MORN5: variants seen among roughly 807,000 people sequenced by gnomAD.
MORN5 encodes the protein MORN repeat-containing protein 5.
Under a neutral mutation model 22.1 loss-of-function variants are expected in MORN5, and 21 were observed. The observed-to-expected ratio is 0.95, with a 90% CI of 0.67 to 1.37. MORN5 has a LOEUF of 1.37. Ranked by LOEUF, MORN5 falls within the 40% of genes most tolerant of loss-of-function variation. The probability of loss-of-function intolerance (pLI) is 0.00; values close to 1 mark genes in which losing one functional copy is unlikely to be tolerated. For synonymous variants in MORN5, 73 were observed against 74.0 expected (o/e 0.99, Z 0.07); for missense variants, 211 against 215.1 (o/e 0.98, Z 0.12).
At position 122,169,667 on chromosome 9, in the gene MORN5, GGCT is replaced by G; in HGVS notation, c.221_223del (p.Leu74del). The G allele has an allele frequency of 6.2e-7, 1 of 1,613,922 alleles. No homozygotes were observed. Among genetic ancestry groups the G allele is most frequent in the Non-Finnish European group, 8.5e-7 (1 of 1,179,878 alleles). Reference sequence around the variant, plus strand: ...CAGGGCACATATACGTTCTCAGATGGGCTGCACTATGATGAGAAAAACTGGCAT... The same window carrying G: ...CAGGGCACATATACGTTCTCAGATGGGCACTATGATGAGAAAAACTGGCAT... On this transcript the variant is annotated inframe_deletion, in exon 3 of 5. Transcript: ENST00000373764.
chr9:122,192,176 A>G (rs1309007702), intron 4 of MORN5, among the ~76,000 whole-genome samples: 1 of 151,748 alleles, frequency 6.6e-6, no homozygotes, highest in African/African-American at 2.4e-5. Context: ...CGGCTCCAGA[A>G]CTCCTTCTAG....
At chr9:122,199,577 A>G (rs1480938199) in intron 4 of MORN5, among the ~76,000 whole-genome samples, 4 of 152,154 alleles carry the variant, frequency 2.6e-5, no homozygotes, top group Non-Finnish European at 4.4e-5. Flanking sequence ...AGACCAGGCA[A>G]GTGCCCGACT....
chr9:122,186,659 A>G (rs1306391853), intron 4 of MORN5, among the ~76,000 whole-genome samples: 1 of 152,046 alleles, frequency 6.6e-6, no homozygotes, highest in East Asian at 1.9e-4. Context: ...GGTGCCCATC[A>G]GATTCTGGTA....
intron 4 of MORN5, among the ~76,000 whole-genome samples, chr9:122,189,992 T>A (rs1035530161): frequency 6.6e-5 from 10 of 152,040 alleles, no homozygotes; most frequent in Admixed American, 5.2e-4. Context: ...CTAAGAGATT[T>A]CCAAGGGTCA....
chr9:122,186,483 G>A (rs1475176884), intron 4 of MORN5, among the ~76,000 whole-genome samples: 1 of 152,142 alleles, frequency 6.6e-6, no homozygotes, highest in Non-Finnish European at 1.5e-5. Flanking sequence ...TACAGAGGGC[G>A]GGATTGGCCA....
intron 3 of MORN5, among the ~76,000 whole-genome samples, chr9:122,171,946 C>CTTTTT (rs71371928): frequency 1.7e-5 from 1 of 58,572 alleles, no homozygotes; most frequent in Non-Finnish European, 3.3e-5. Context: ...TCACTTCCAT[C>CTTTTT]TTTTTTTTTT....
chr9:122,193,819 G>A (rs374936359), intron 4 of MORN5, among the ~76,000 whole-genome samples: 1 of 152,222 alleles, frequency 6.6e-6, no homozygotes, highest in African/African-American at 2.4e-5. Flanking sequence ...GAGCATGCAC[G>A]TGGACTACTG....
At chr9:122,160,400 G>C (rs1661508428) in intron 1 of MORN5, among the ~76,000 whole-genome samples, 2 of 151,950 alleles carry the variant, frequency 1.3e-5, no homozygotes, top group East Asian at 1.9e-4. Context: ...TTAGGGAAGA[G>C]AGACTGGCTA....
rs543065345 is a variant in MORN5, at chr9:122,191,939, C to T, written c.440-7946C>T. ...TGAGCGAGTCCCTTAAGGACGCTCC[C>T]TTACAGGCATCCATTTTGGGAATGA... On this transcript the variant is annotated intron_variant, in intron 4 of 4. Coordinates refer to ENST00000373764, the MANE Select transcript of MORN5 (RefSeq NM_198469.4). Among the ~76,000 whole-genome samples the T allele has an allele frequency of 7.2e-5, 11 of 152,362 alleles. No homozygotes were observed. In the South Asian group the frequency reaches 2.3e-3, roughly 32 times the overall value.
At chr9:122,169,508 A>G (rs1829336101) in intron 2 of MORN5, 137 bp from the exon 3 acceptor site, 1 of 639,154 alleles carries the variant, frequency 1.6e-6, no homozygotes, top group Admixed American at 2.5e-5. Context: ...TCTTGTCGTC[A>G]CAACCATAAT....
In MORN5 at chr9:122,184,228, C is replaced by CA. The variant is rs1201022838; in HGVS notation, c.439+9602dup. Among the ~76,000 whole-genome samples the CA allele has an allele frequency of 6.6e-5, 10 of 152,336 alleles. No individual in the cohort carries two copies. The East Asian group carries it at 1.3e-3, about 21-fold the overall frequency. On this transcript the variant is annotated intron_variant, in intron 4 of 4. Transcript: ENST00000373764. ...TTTGGCAGGAGCCCGAATTCACACT[C>CA]AGGCTCGCCTGCCTCCCCAGGTTTC...
intron 4 of MORN5, among the ~76,000 whole-genome samples, chr9:122,183,595 G>T (rs1030449980): frequency 5.3e-5 from 8 of 152,122 alleles, no homozygotes; most frequent in Non-Finnish European, 8.8e-5. Flanking sequence ...ATTCTTCCCC[G>T]AAAGGTCTCA....
At chr9:122,190,692 C>A (rs188954122) in intron 4 of MORN5, among the ~76,000 whole-genome samples, 3 of 152,402 alleles carry the variant, frequency 2.0e-5, no homozygotes, top group Admixed American at 2.0e-4. Context: ...AGGCCTTCCA[C>A]CTCCCCGCCC....
chr9:122,166,917 T>C lies in MORN5; in HGVS notation c.195+2T>C. The C allele has an allele frequency of 6.2e-7, 1 of 1,612,252 alleles. No individual in the cohort carries two copies. The highest frequency in any genetic ancestry group is 8.5e-7 in the Non-Finnish European group (1 of 1,179,078). On this transcript the variant is annotated splice_donor_variant, in intron 2 of 4. Coordinates refer to ENST00000373764, the MANE Select transcript of MORN5 (RefSeq NM_198469.4). LOFTEE classifies it high-confidence loss of function. ...TGGGAAAACGGATTGGCCATAAAGG[T>C]GATCAGCTGGGGGGACGGATGCTGT...
At chr9:122,172,683 G>A (rs549389378) in intron 3 of MORN5, among the ~76,000 whole-genome samples, 56 of 152,200 alleles carry the variant, frequency 3.7e-4, no homozygotes, top group Middle Eastern at 3.4e-3. Context: ...TGTTCAGCTC[G>A]TCTTCCCAAG....
chr9:122,170,298 GAA>G lies in MORN5; in HGVS notation c.307+558_307+559del, dbSNP rs34931205. On this transcript the variant is annotated intron_variant, in intron 3 of 4. Transcript: ENST00000373764. ...GCGACAGAGCGACACTCTGGTCTCAGAAAAAAAAAAAAAAAAATCAAAATGGG... is the reference window on the plus strand; with the variant it reads ...GCGACAGAGCGACACTCTGGTCTCAGAAAAAAAAAAAAAAATCAAAATGGG... Among the ~76,000 whole-genome samples, 344 of 130,390 alleles carry G rather than the reference GAA, an allele frequency of 2.6e-3. 1 individual carries two copies. The highest frequency in any genetic ancestry group is 9.3e-3 in the African/African-American group (325 of 34,826). The allele number at this position is 130,390 out of a possible 152,430, so 85.5% of individuals were successfully genotyped here.
intron 2 of MORN5, among the ~76,000 whole-genome samples, chr9:122,169,096 C>T (rs748739781): frequency 4.6e-5 from 7 of 152,184 alleles, no homozygotes; most frequent in African/African-American, 1.4e-4. Context: ...CCTTTTTGTT[C>T]TATCCAGACC....
chr9:122,169,756 G>A lies in MORN5; in HGVS notation c.307G>A (p.Gly103Ser). The change falls in exon 3 of 5, where the codon GGT becomes AGT. Residue 103 changes from glycine to serine, a missense_variant and splice_region_variant. By Grantham distance (56) the Gly-to-Ser change is moderately conservative. Transcript: ENST00000373764. ...GATCCTCAATGGCTTGAAGCCTGCAGGTACCCAGGCACCCACCCTTTCCTT... is the reference window on the plus strand; with the variant it reads ...GATCCTCAATGGCTTGAAGCCTGCAAGTACCCAGGCACCCACCCTTTCCTT... ...TEILNGLKPA[G>S]MAQLTNMDPP... The A allele has an allele frequency of 6.2e-7, 1 of 1,601,418 alleles. No homozygotes were observed. Among genetic ancestry groups the A allele is most frequent in the African/African-American group, 1.3e-5 (1 of 74,784 alleles).
intron 4 of MORN5, among the ~76,000 whole-genome samples, chr9:122,179,393 A>G (rs960582724): frequency 6.6e-5 from 10 of 152,264 alleles, no homozygotes; most frequent in Admixed American, 3.3e-4. Context: ...AGGCCAAAGG[A>G]GATCAGATTA....
Sources: allele counts gnomAD v4.1 joint callset (sites outside exome capture counted in the v4.1 genomes callset), GRCh38; gene constraint gnomAD v4.1.1; transcripts MANE v1.5; gene names NCBI Gene and HGNC (gene_info 2026-07-23, HGNC 2026-07-21).